GALNT13: variants seen among roughly 807,000 people sequenced by gnomAD.
The protein encoded by GALNT13 is UDP-GalNAc:polypeptide N-acetylgalactosaminyltransferase 13.
A neutral mutation model predicts 64.2 loss-of-function variants in GALNT13; 28 were observed. The ratio of observed to expected loss-of-function variants is 0.44; its 90% CI spans 0.32 to 0.60. The LOEUF is 0.60. Ranked by LOEUF, GALNT13 falls within the 20% of genes least tolerant of loss-of-function variation. The pLI, the probability that GALNT13 is intolerant of heterozygous loss-of-function variation, is 0.05. For missense variants in GALNT13, 577 were observed against 669.8 expected (o/e 0.86, Z 1.53); for synonymous variants, 214 against 224.6 (o/e 0.95, Z 0.42).
chr2:153,609,641 C>T, the GALNT13 span, among the ~76,000 whole-genome samples: 1 of 152,148 alleles, frequency 6.6e-6, no homozygotes, highest in Non-Finnish European at 1.5e-5. Flanking sequence ...AACTAGAGAG[C>T]AGTCTTAGGT....
chr2:153,589,066 C>T, the GALNT13 span, among the ~76,000 whole-genome samples: 2 of 152,020 alleles, frequency 1.3e-5, no homozygotes, highest in African/African-American at 2.4e-5. Flanking sequence ...GCAGGAGAAT[C>T]GATTGAACTC....
At chr2:154,418,714 C>T (rs879141830) in intron 11 of GALNT13, among the ~76,000 whole-genome samples, 30 of 152,136 alleles carry the variant, frequency 2.0e-4, no homozygotes, top group East Asian at 3.9e-4. Flanking sequence ...GTTTTATCAA[C>T]GACAGGAAAT....
the GALNT13 span, among the ~76,000 whole-genome samples, chr2:153,480,987 G>T: frequency 1.3e-5 from 2 of 152,196 alleles, no homozygotes. Flanking sequence ...CGTCAGGTCA[G>T]TGTTAAAATG....
In GALNT13 at chr2:154,140,403, A is replaced by G; in HGVS notation, c.209A>G (p.Asp70Gly). 2 of 1,613,090 alleles carry G rather than the reference A, an allele frequency of 1.2e-6. No individual in the cohort carries two copies. The highest frequency in any genetic ancestry group is 1.7e-6 in the Non-Finnish European group (2 of 1,179,208). ...MGKAVLIPKD[D>G]QEKMKELFKI... ...AAAGCTGTGTTGATTCCTAAAGATG[A>G]CCAGGAGAAAATGAAAGAGCTGTTT... Residue 70 changes from aspartate (D) to glycine (G), a missense_variant, in exon 4 of 13, where the codon GAC becomes GGC. By Grantham distance (94) the Asp-to-Gly change is moderately conservative. This residue lies in a region of GALNT13 where 341 missense variants were observed against 379.3 expected (regional missense o/e 0.90). Transcript: ENST00000392825.
the GALNT13 span, among the ~76,000 whole-genome samples, chr2:153,742,692 T>A: frequency 6.6e-6 from 1 of 152,118 alleles, no homozygotes; most frequent in African/African-American, 2.4e-5. Context: ...TGATTTTGAG[T>A]GATTTCACTT....
intron 8 of GALNT13, among the ~76,000 whole-genome samples, chr2:154,272,742 A>T (rs1473205505): frequency 6.6e-6 from 1 of 152,118 alleles, no homozygotes. Context: ...TTTACATTTG[A>T]AATGTCCCTG....
intron 4 of GALNT13, among the ~76,000 whole-genome samples, chr2:154,228,059 A>C (rs1688718953): frequency 6.6e-6 from 1 of 152,090 alleles, no homozygotes. Flanking sequence ...TTGCTGGCTG[A>C]AGATTCATTT....
chr2:154,080,439 C>A (rs775337497), intron 3 of GALNT13, among the ~76,000 whole-genome samples: 6 of 151,552 alleles, frequency 4.0e-5, no homozygotes, highest in African/African-American at 1.5e-4. Context: ...ATAAGAAAAA[C>A]TTGAAATGCA....
chr2:153,706,430 G>T, the GALNT13 span, among the ~76,000 whole-genome samples: 1 of 152,158 alleles, frequency 6.6e-6, no homozygotes, highest in Admixed American at 6.5e-5. Context: ...TTAAAACTGT[G>T]GGGATAATAT....
At chr2:153,490,702 G>A in the GALNT13 span, among the ~76,000 whole-genome samples, 1 of 152,190 alleles carries the variant, frequency 6.6e-6, no homozygotes, top group Non-Finnish European at 1.5e-5. Context: ...GCTCACACCT[G>A]TAATCCCAGC....
chr2:153,958,336 C>G (rs935816159), intron 3 of GALNT13, among the ~76,000 whole-genome samples: 4 of 152,152 alleles, frequency 2.6e-5, no homozygotes, highest in African/African-American at 9.7e-5. Flanking sequence ...CTGGAAGTAA[C>G]ATGAGCCAGT....
intron 4 of GALNT13, among the ~76,000 whole-genome samples, chr2:154,179,222 T>C (rs1327414582): frequency 5.3e-5 from 8 of 152,214 alleles, no homozygotes; most frequent in South Asian, 2.1e-4. Flanking sequence ...TAGTTTATTA[T>C]GGTTAATTTT....
At chr2:153,939,917 T>G (rs536337076) in intron 2 of GALNT13, among the ~76,000 whole-genome samples, 2 of 152,260 alleles carry the variant, frequency 1.3e-5, no homozygotes, top group African/African-American at 4.8e-5. Flanking sequence ...AGTTGCACAA[T>G]TAGTGAGTGT....
intron 3 of GALNT13, among the ~76,000 whole-genome samples, chr2:154,101,434 G>A (rs928580139): frequency 5.9e-5 from 9 of 151,892 alleles, no homozygotes; most frequent in Non-Finnish European, 1.2e-4. Context: ...TCTAGTTTGT[G>A]CACATGGAAA....
At chr2:153,704,957 G>A in the GALNT13 span, among the ~76,000 whole-genome samples, 2 of 152,310 alleles carry the variant, frequency 1.3e-5, no homozygotes, top group South Asian at 4.1e-4. Context: ...AGCTAGAAAT[G>A]TGGGGAAAAT....
intron 3 of GALNT13, among the ~76,000 whole-genome samples, chr2:154,044,597 C>T (rs1699185693): frequency 6.6e-6 from 1 of 151,782 alleles, no homozygotes; most frequent in African/African-American, 2.4e-5. Flanking sequence ...TTACAGAGGG[C>T]TGGGAGGGAG....
the GALNT13 span, among the ~76,000 whole-genome samples, chr2:153,570,362 G>A: frequency 2.6e-4 from 39 of 152,230 alleles, no homozygotes; most frequent in Non-Finnish European, 5.3e-4. Flanking sequence ...TTGTCAGATG[G>A]ATGGTTTGTG....
the GALNT13 span, among the ~76,000 whole-genome samples, chr2:153,850,881 G>A: frequency 1.3e-5 from 2 of 152,136 alleles, no homozygotes; most frequent in Admixed American, 6.6e-5. Flanking sequence ...CTGAAAAAAA[G>A]CATTAGGATA....
chr2:153,297,460 G>T, the GALNT13 span, among the ~76,000 whole-genome samples: 80 of 152,158 alleles, frequency 5.3e-4, no homozygotes, highest in African/African-American at 1.9e-3. Flanking sequence ...TTGAGAGAAA[G>T]AATTTTAACT....
Sources: allele counts gnomAD v4.1 joint callset (sites outside exome capture counted in the v4.1 genomes callset), GRCh38; gene constraint gnomAD v4.1.1; regional missense constraint gnomAD v4.1.1; transcripts MANE v1.5; gene names NCBI Gene and HGNC (gene_info 2026-07-23, HGNC 2026-07-21).